Variants in EYS observed in about 807,000 individuals in gnomAD.
EYS encodes the protein protein eyes shut homolog.
A neutral mutation model predicts 282.1 loss-of-function variants in EYS; 250 were observed. The ratio of observed to expected loss-of-function variants is 0.89; its 90% CI spans 0.80 to 0.98. EYS has a LOEUF of 0.98. Ranked by LOEUF, EYS falls within the 50% of genes least tolerant of loss-of-function variation. EYS has a pLI of 0.00. For missense variants in EYS, 4,016 were observed against 3,709.0 expected (o/e 1.08, Z -2.15); for synonymous variants, 1,355 against 1,282.9 (o/e 1.06, Z -1.20).
intron 40 of EYS, among the ~76,000 whole-genome samples, chr6:63,774,755 A>G (rs1057137848): frequency 1.4e-4 from 21 of 152,292 alleles, no homozygotes; most frequent in African/African-American, 2.9e-4. Flanking sequence ...GGAAAAAAGT[A>G]CCACTTAAAT....
intron 29 of EYS, among the ~76,000 whole-genome samples, chr6:64,313,405 G>C (rs1048218300): frequency 2.0e-5 from 3 of 152,138 alleles, no homozygotes; most frequent in Non-Finnish European, 4.4e-5. Flanking sequence ...ATCTAGGTTT[G>C]ATTGTTGTAC....
chr6:63,946,340 A>G (rs1765395754), intron 35 of EYS, among the ~76,000 whole-genome samples: 1 of 152,252 alleles, frequency 6.6e-6, no homozygotes, highest in Non-Finnish European at 1.5e-5. Flanking sequence ...GATCATATTC[A>G]ATAATTATAA....
chr6:63,793,446 T>G (rs780844011), intron 37 of EYS, among the ~76,000 whole-genome samples: 1 of 152,238 alleles, frequency 6.6e-6, no homozygotes, highest in African/African-American at 2.4e-5. Context: ...GAAAGATCAA[T>G]TGAGTAATTT....
chr6:64,460,964 TACAG>T (rs1775725990), intron 26 of EYS, among the ~76,000 whole-genome samples: 2 of 152,252 alleles, frequency 1.3e-5, no homozygotes, highest in East Asian at 3.9e-4. Context: ...GATATAGGTA[TACAG>T]ACAAAGACTA....
chr6:64,533,470 T>A (rs532281252), intron 26 of EYS, among the ~76,000 whole-genome samples: 1 of 152,116 alleles, frequency 6.6e-6, no homozygotes, highest in East Asian at 1.9e-4. Context: ...GGTTGATATA[T>A]CACATCATGA....
chr6:65,015,632 C>A (rs1583399985), intron 13 of EYS, among the ~76,000 whole-genome samples: 1 of 152,126 alleles, frequency 6.6e-6, no homozygotes, highest in Admixed American at 6.5e-5. Flanking sequence ...GAAGCTAAGG[C>A]ACATTTTATC....
intron 35 of EYS, among the ~76,000 whole-genome samples, chr6:63,868,182 TA>T (rs532143757): frequency 9.2e-5 from 14 of 152,084 alleles, no homozygotes; most frequent in African/African-American, 3.4e-4. Flanking sequence ...AAAGCTTAGT[TA>T]AAAAAATACC....
At chr6:63,990,912 G>T (rs1037455890) in intron 34 of EYS, among the ~76,000 whole-genome samples, 1 of 151,570 alleles carries the variant, frequency 6.6e-6, no homozygotes, top group African/African-American at 2.4e-5. Flanking sequence ...GGAGGGAGTG[G>T]GTGAAAGAGT....
intron 22 of EYS, among the ~76,000 whole-genome samples, chr6:64,741,257 C>A (rs1056968252): frequency 6.6e-6 from 1 of 152,068 alleles, no homozygotes; most frequent in Non-Finnish European, 1.5e-5. Flanking sequence ...TCTTGGGTGA[C>A]CAGGCCCCTC....
chr6:65,187,162 CACA>C (rs2150237193), intron 12 of EYS, among the ~76,000 whole-genome samples: 1 of 151,778 alleles, frequency 6.6e-6, no homozygotes, highest in South Asian at 2.1e-4. Context: ...TCTAGGCACA[CACA>C]ACATTTATTC....
At chr6:64,978,950 G>A (rs534192142) in intron 14 of EYS, among the ~76,000 whole-genome samples, 1 of 151,962 alleles carries the variant, frequency 6.6e-6, no homozygotes, top group South Asian at 2.1e-4. Flanking sequence ...TTCTTGAAAT[G>A]GAATCTACTT....
intron 29 of EYS, among the ~76,000 whole-genome samples, chr6:64,309,805 A>G (rs910128521): frequency 6.6e-6 from 1 of 151,984 alleles, no homozygotes; most frequent in African/African-American, 2.4e-5. Flanking sequence ...TCTCAACTAA[A>G]AATACAAAAC....
intron 31 of EYS, among the ~76,000 whole-genome samples, chr6:64,194,760 T>C (rs918572301): frequency 1.3e-5 from 2 of 152,112 alleles, no homozygotes; most frequent in African/African-American, 4.8e-5. Context: ...TGCTTATTAA[T>C]TTTACTATTC....
intron 22 of EYS, among the ~76,000 whole-genome samples, chr6:64,682,473 T>C (rs991471971): frequency 6.6e-6 from 1 of 152,168 alleles, no homozygotes; most frequent in African/African-American, 2.4e-5. Flanking sequence ...AAAGTGTTAA[T>C]TGGATGCAGG....
chr6:65,664,857 G>A (rs912777362), intron 1 of EYS, among the ~76,000 whole-genome samples: 1 of 152,108 alleles, frequency 6.6e-6, no homozygotes. Context: ...AAAATATTGA[G>A]GTTAAAAGAA....
At chr6:64,792,318 A>G (rs535108525) in intron 22 of EYS, among the ~76,000 whole-genome samples, 1 of 152,016 alleles carries the variant, frequency 6.6e-6, no homozygotes, top group African/African-American at 2.4e-5. Context: ...TCAGCATTAG[A>G]TCATATATTT....
At chr6:63,950,947 T>A (rs1026356665) in intron 35 of EYS, among the ~76,000 whole-genome samples, 1 of 152,146 alleles carries the variant, frequency 6.6e-6, no homozygotes, top group Non-Finnish European at 1.5e-5. Context: ...TCCCTTAGTG[T>A]TTAATCACTG....
intron 28 of EYS, among the ~76,000 whole-genome samples, chr6:64,394,522 A>C (rs1364001431): frequency 1.3e-5 from 2 of 152,164 alleles, no homozygotes; most frequent in African/African-American, 2.4e-5. Flanking sequence ...CAAAAACAAG[A>C]AATGGGGAAA....
chr6:64,591,532 G>C lies in EYS; in HGVS notation c.4335C>G (p.Ser1445=). Residue 1445 remains serine (S), a synonymous_variant, in exon 26 of 43, where the codon TCC becomes TCG. Transcript: ENST00000503581. ...AGGCAGCTATAAGCAGGAATCCACG[G>C]GAGAGTAATGACTGCCTGTTTAGCT... ...DIELNRQSLL[S]RGFLLIAASI... is the part of the protein sequence containing the mutation. 1 of 1,551,236 alleles carries C rather than the reference G, an allele frequency of 6.4e-7. No homozygotes were observed. The highest frequency in any genetic ancestry group is 8.7e-7 in the Non-Finnish European group (1 of 1,146,732).
Sources: allele counts gnomAD v4.1 joint callset (sites outside exome capture counted in the v4.1 genomes callset), GRCh38; gene constraint gnomAD v4.1.1; transcripts MANE v1.5; gene names NCBI Gene and HGNC (gene_info 2026-07-23, HGNC 2026-07-21).